THADA: variants seen among roughly 807,000 people sequenced by gnomAD.
THADA encodes the protein THADA armadillo repeat containing.
THADA carries 213 observed loss-of-function variants against 219.8 expected under a neutral mutation model. The observed-to-expected ratio is 0.97, with a 90% CI of 0.87 to 1.09. The LOEUF (loss-of-function observed/expected upper bound fraction) is 1.09. Ranked by LOEUF, THADA falls within the 50% of genes least tolerant of loss-of-function variation. The pLI is 0.00. For missense variants in THADA, 2,956 were observed against 2,311.3 expected, an observed-to-expected ratio of 1.28 and a Z score of -5.72; for synonymous variants, 1,018 against 828.9, an observed-to-expected ratio of 1.23 and a Z score of -3.92.
chr2:43,305,114 A>G (rs1676703712), intron 31 of THADA, among the ~76,000 whole-genome samples: 1 of 152,218 alleles, frequency 6.6e-6, no homozygotes, highest in Admixed American at 6.5e-5. Flanking sequence ...ATAATCACAG[A>G]TGATAATTTG....
At chr2:43,325,268 C>T (rs989425562) in intron 30 of THADA, among the ~76,000 whole-genome samples, 4 of 151,532 alleles carry the variant, frequency 2.6e-5, no homozygotes, top group African/African-American at 7.3e-5. Context: ...TTCACTTTTC[C>T]TGTCCCTTCC....
chr2:43,493,599 C>A (rs1687921092), intron 25 of THADA, among the ~76,000 whole-genome samples: 1 of 152,088 alleles, frequency 6.6e-6, no homozygotes, highest in African/African-American at 2.4e-5. Flanking sequence ...GCCTGTTCTG[C>A]AATGAGGATG....
At chr2:43,590,728 A>T in intron 4 of THADA, 96 bp downstream of exon 4, 1 of 1,286,466 alleles carries the variant, frequency 7.8e-7, no homozygotes, top group Non-Finnish European at 1.1e-6. Context: ...TGTGATCTGT[A>T]TCAGTTCAGT....
At chr2:43,504,177 T>C (rs1271591298) in intron 24 of THADA, among the ~76,000 whole-genome samples, 3 of 152,190 alleles carry the variant, frequency 2.0e-5, no homozygotes, top group Non-Finnish European at 2.9e-5. Flanking sequence ...ATAGAACCAA[T>C]TACATTTTTT....
chr2:43,376,155 T>C (rs898935430), intron 29 of THADA, among the ~76,000 whole-genome samples: 12 of 152,190 alleles, frequency 7.9e-5, no homozygotes, highest in Admixed American at 5.2e-4. Flanking sequence ...ATTAGGTGTA[T>C]ATAAAGATAC....
chr2:43,538,382 G>C (rs952710890), intron 21 of THADA: 2 of 152,138 alleles, frequency 1.3e-5, no homozygotes, highest in Non-Finnish European at 2.9e-5. Flanking sequence ...CACTATGAAA[G>C]AACCTTTCAT....
At chr2:43,579,947 T>G (rs978041370) in intron 8 of THADA, among the ~76,000 whole-genome samples, 1 of 152,008 alleles carries the variant, frequency 6.6e-6, no homozygotes, top group Admixed American at 6.6e-5. Context: ...AACACTTTAC[T>G]GATTATGAAG....
Position 43,539,769 on chromosome 2 carries a change from T to C in THADA, c.3264+1390A>G, listed in dbSNP as rs147438625. ...TTAAGCAGTCACTGGAAGAATTCTT[T>C]GGTTTATAAGAACCTGTCTTTTTGT... On this transcript the variant is annotated intron_variant, in intron 21 of 37. Coordinates refer to ENST00000405975, the MANE Select transcript of THADA (RefSeq NM_022065.5). Among the ~76,000 whole-genome samples, 667 of 152,316 alleles carry C rather than the reference T, an allele frequency of 4.4e-3. 8 individuals carry two copies. The highest frequency in any genetic ancestry group is 5.5e-3 in the Non-Finnish European group (373 of 68,016).
chr2:43,271,468 G>C (rs1283168577), intron 36 of THADA, among the ~76,000 whole-genome samples: 1 of 151,980 alleles, frequency 6.6e-6, no homozygotes, highest in Non-Finnish European at 1.5e-5. Context: ...CTTCTTACTG[G>C]GTTTAACTAC....
intron 15 of THADA, chr2:43,565,666 C>T (rs1245408735): frequency 1.3e-5 from 2 of 152,232 alleles, no homozygotes; most frequent in African/African-American, 4.8e-5. Flanking sequence ...AAAGCTCCCT[C>T]ATGCTTTGGC....
chr2:43,451,527 T>C (rs1250270705), intron 26 of THADA, among the ~76,000 whole-genome samples: 2 of 152,216 alleles, frequency 1.3e-5, no homozygotes, highest in African/African-American at 2.4e-5. Context: ...GACTATCTAA[T>C]TTCTGCTCTG....
At chr2:43,423,958 CCTGAA>C (rs1170720197) in intron 28 of THADA, among the ~76,000 whole-genome samples, 2 of 152,104 alleles carry the variant, frequency 1.3e-5, no homozygotes, top group Admixed American at 1.3e-4. Context: ...CTTTGTGGTA[CCTGAA>C]CTGAAGAATG....
chr2:43,505,141 C>G (rs1253549283), intron 24 of THADA, among the ~76,000 whole-genome samples: 1 of 152,102 alleles, frequency 6.6e-6, no homozygotes, highest in Non-Finnish European at 1.5e-5. Flanking sequence ...AAATGTACAT[C>G]AACGCAAAGA....
chr2:43,451,648 C>G (rs1460534249), intron 26 of THADA, among the ~76,000 whole-genome samples: 1 of 152,120 alleles, frequency 6.6e-6, no homozygotes, highest in Non-Finnish European at 1.5e-5. Context: ...TCTTTTTCAG[C>G]CATAGGGGTT....
At chr2:43,242,879 G>A (rs993393945) in intron 36 of THADA, among the ~76,000 whole-genome samples, 3 of 152,162 alleles carry the variant, frequency 2.0e-5, no homozygotes, top group African/African-American at 7.2e-5. Context: ...ATTATTTTCC[G>A]TTTTCCATTC....
At chr2:43,413,009 G>A (rs1386381041) in intron 28 of THADA, among the ~76,000 whole-genome samples, 2 of 152,048 alleles carry the variant, frequency 1.3e-5, no homozygotes, top group Non-Finnish European at 2.9e-5. Flanking sequence ...TACACACAGG[G>A]AAAAAAGAGA....
intron 36 of THADA, among the ~76,000 whole-genome samples, chr2:43,264,266 A>G (rs1448842094): frequency 2.6e-5 from 4 of 151,712 alleles, no homozygotes; most frequent in Non-Finnish European, 2.9e-5. Context: ...TGCTGATAGA[A>G]GTAGCTTTCT....
chr2:43,386,129 C>T (rs1672650503), intron 29 of THADA, among the ~76,000 whole-genome samples: 1 of 151,904 alleles, frequency 6.6e-6, no homozygotes, highest in East Asian at 1.9e-4. Flanking sequence ...GACTATAACA[C>T]ACAACCCACT....
intron 30 of THADA, among the ~76,000 whole-genome samples, chr2:43,341,215 T>C (rs1293828799): frequency 6.6e-6 from 1 of 152,038 alleles, no homozygotes; most frequent in East Asian, 1.9e-4. Flanking sequence ...ACTTGGATAA[T>C]AGAGAGTTGA....
Sources: allele counts gnomAD v4.1 joint callset (sites outside exome capture counted in the v4.1 genomes callset), GRCh38; gene constraint gnomAD v4.1.1; transcripts MANE v1.5; gene names NCBI Gene and HGNC (gene_info 2026-07-23, HGNC 2026-07-21).